The following SLCO1B3 variants were observed in gnomAD, a reference collection of about 807,000 sequenced individuals.
SLCO1B3 encodes solute carrier organic anion transporter family member 1B3.
SLCO1B3 carries 72 observed loss-of-function variants against 71.8 expected under a neutral mutation model. The observed-to-expected ratio is 1.00, with a 90% CI of 0.83 to 1.22. The LOEUF is 1.22. Among genes scored for constraint, SLCO1B3 ranks in the 50% most tolerant of loss-of-function variants. The pLI is 0.00. For missense variants in SLCO1B3, 911 were observed against 819.7 expected (o/e 1.11, Z -1.36); for synonymous variants, 298 against 278.4 (o/e 1.07, Z -0.70).
At chr12:20,832,933 A>G (rs1458646176) in intron 3 of SLCO1B3, among the ~76,000 whole-genome samples, 2 of 128,464 alleles carry the variant, frequency 1.6e-5, no homozygotes, top group Non-Finnish European at 3.5e-5. Context: ...GTTTAATGGC[A>G]TAAAACAAAC....
chr12:20,889,094 GTTTT>G (rs34861372), intron 13 of SLCO1B3, among the ~76,000 whole-genome samples: 2 of 143,308 alleles, frequency 1.4e-5, no homozygotes, highest in African/African-American at 5.1e-5. Flanking sequence ...ATTTTCTAGA[GTTTT>G]TTTTTTTTTT....
At chr12:20,832,413 A>C (rs994629751) in intron 3 of SLCO1B3, among the ~76,000 whole-genome samples, 1 of 152,042 alleles carries the variant, frequency 6.6e-6, no homozygotes, top group Admixed American at 6.5e-5. Context: ...ATACTTCTTC[A>C]TTACACTTGT....
At chr12:20,840,354 C>T (rs1864768547) in intron 3 of SLCO1B3, among the ~76,000 whole-genome samples, 1 of 151,746 alleles carries the variant, frequency 6.6e-6, no homozygotes, top group Admixed American at 6.6e-5. Context: ...GAATGAACCT[C>T]TGACTCTGGA....
At chr12:20,915,969 A>G in intron 15 of SLCO1B3, 35 bp from the exon 16 acceptor site, 1 of 1,523,492 alleles carries the variant, frequency 6.6e-7, no homozygotes, top group Non-Finnish European at 8.9e-7. Context: ...ACACATTTAA[A>G]ATAATAATCG....
chr12:20,915,089 A>T (rs927533211), intron 15 of SLCO1B3, among the ~76,000 whole-genome samples: 12 of 151,984 alleles, frequency 7.9e-5, no homozygotes, highest in African/African-American at 2.7e-4. Context: ...ATTATTTGAA[A>T]TCTTTATTTT....
intron 8 of SLCO1B3, among the ~76,000 whole-genome samples, chr12:20,865,830 C>T (rs1344127111): frequency 6.6e-6 from 1 of 151,868 alleles, no homozygotes; most frequent in Non-Finnish European, 1.5e-5. Context: ...TCTTATAGAC[C>T]TTACATGATG....
Position 20,916,267 on chromosome 12 carries a change from G to C in SLCO1B3, c.*20G>C. 6.2e-7 allele frequency: 1 copy of C among 1,604,156 alleles called. No homozygotes were observed. The highest frequency in any genetic ancestry group is 2.2e-5 in the East Asian group (1 of 44,656). Reference sequence around the variant, plus strand: ...AACTAACATTGCATTGATTCATTAAGATGTTATTTTTGAGGTGTTCCTGGT... The same window carrying C: ...AACTAACATTGCATTGATTCATTAACATGTTATTTTTGAGGTGTTCCTGGT... On this transcript the variant is annotated 3_prime_UTR_variant, in exon 16 of 16. Coordinates refer to ENST00000381545, the MANE Select transcript of SLCO1B3 (RefSeq NM_019844.4).
intron 8 of SLCO1B3, among the ~76,000 whole-genome samples, chr12:20,870,720 T>A (rs1412476954): frequency 1.3e-5 from 2 of 152,184 alleles, no homozygotes; most frequent in African/African-American, 4.8e-5. Flanking sequence ...TATTAATTAC[T>A]TTAGCTTTGA....
intron 3 of SLCO1B3, among the ~76,000 whole-genome samples, chr12:20,828,526 G>A (rs1432198610): frequency 6.6e-6 from 1 of 151,962 alleles, no homozygotes; most frequent in African/African-American, 2.4e-5. Context: ...ACATGTAGAA[G>A]TAAATGAATG....
rs768205361 is a variant in SLCO1B3 at position 20,901,394 on chromosome 12, A to C, written c.1792A>C (p.Thr598Pro). The C allele has an allele frequency of 1.3e-6, 2 of 1,592,524 alleles. No homozygotes were observed. The highest frequency in any genetic ancestry group is 2.3e-5 in the South Asian group (2 of 85,192). Residue 598 changes from threonine to proline, a missense_variant, in exon 15 of 16, where the codon ACA becomes CCA. By Grantham distance (38) the Thr-to-Pro change is conservative. Transcript: ENST00000381545. ...PIYFGALIDK[T>P]CMKWSTNSCG... is the part of the protein sequence containing the mutation. ...ATATTTTGGGGCTCTGATTGATAAA[A>C]CATGTATGAAGTGGTCCACCAACAG...
At chr12:20,915,978 C>T (rs545846824) in intron 15 of SLCO1B3, 26 bp from the exon 16 acceptor site, 67 of 1,536,090 alleles carry the variant, frequency 4.4e-5, no homozygotes, top group African/African-American at 4.3e-4. Context: ...AAATAATAAT[C>T]GACTCTCTAT....
chr12:20,813,520 A>G lies in SLCO1B3; in HGVS notation c.-180-4A>G, dbSNP rs1864141813. 1 of 152,154 alleles carries G rather than the reference A, an allele frequency of 6.6e-6. No individual in the cohort carries two copies. Among genetic ancestry groups the G allele is most frequent in the Non-Finnish European group, 1.5e-5 (1 of 68,036 alleles). The allele number at this position is 152,154 out of a possible 1,614,324, so 9.4% of individuals were successfully genotyped here. ...GTGCATTTATCGCCACATTGTTTCC[A>G]TAGTTGTGCTTTGCGATGCTGAGTT... is the stretch of plus-strand genomic sequence containing the variant. On this transcript the variant is annotated splice_polypyrimidine_tract_variant and splice_region_variant and intron_variant, in intron 1 of 15. Transcript: ENST00000381545.
At chr12:20,866,452 T>C (rs1463253225) in intron 8 of SLCO1B3, among the ~76,000 whole-genome samples, 2 of 73,710 alleles carry the variant, frequency 2.7e-5, no homozygotes, top group African/African-American at 5.9e-5. Flanking sequence ...GGCATAACTG[T>C]AGACTCGAAA....
Position 20,835,643 on chromosome 12 carries a change from T to C in SLCO1B3, c.85-19385T>C, listed in dbSNP as rs1031198336. On this transcript the variant is annotated intron_variant, in intron 3 of 15. Transcript: ENST00000381545. ...TGATACCACTTCAGCCTGGACTTTA[T>C]TGTCCATATCAGTATCAGTGTTTTG... 7.2e-5 allele frequency among the ~76,000 whole-genome samples: 11 copies of C among 152,330 alleles called. No individual in the cohort carries two copies. The South Asian group carries it at 2.1e-3, about 29-fold the overall frequency.
intron 13 of SLCO1B3, among the ~76,000 whole-genome samples, chr12:20,897,179 G>C (rs75243630): frequency 0.03 from 4,611 of 152,280 alleles, 111 homozygotes; most frequent in African/African-American, 0.064. Flanking sequence ...CTAACAAAGT[G>C]CTGCTGTCCT....
At chr12:20,860,598 T>TC (rs34379947) in intron 5 of SLCO1B3, among the ~76,000 whole-genome samples, 2 of 133,634 alleles carry the variant, frequency 1.5e-5, no homozygotes, top group Non-Finnish European at 3.2e-5. Context: ...AGTCAAGCAC[T>TC]TTGTGTGTGT....
chr12:20,844,339 G>A (rs1159300728), intron 3 of SLCO1B3, among the ~76,000 whole-genome samples: 1 of 151,982 alleles, frequency 6.6e-6, no homozygotes, highest in South Asian at 2.1e-4. Flanking sequence ...GGCTGAGGTG[G>A]GCGAATCACT....
intron 8 of SLCO1B3, among the ~76,000 whole-genome samples, chr12:20,867,595 G>A (rs1413609966): frequency 6.6e-6 from 1 of 152,118 alleles, no homozygotes; most frequent in Non-Finnish European, 1.5e-5. Context: ...AAGAAGCAGC[G>A]ACAGAAACAA....
At chr12:20,811,717 A>G (rs762345131) in intron 1 of SLCO1B3, among the ~76,000 whole-genome samples, 2 of 152,172 alleles carry the variant, frequency 1.3e-5, no homozygotes, top group African/African-American at 2.4e-5. Flanking sequence ...CTCTGTCTAT[A>G]AACATATTGT....
Sources: gnomAD v4.1 joint callset for allele counts (sites outside exome capture counted in the v4.1 genomes callset) on GRCh38, gnomAD v4.1.1 for gene constraint, MANE v1.5 for transcripts, NCBI Gene and HGNC (gene_info 2026-07-23, HGNC 2026-07-21) for gene names.